POFUT3: variants seen among roughly 807,000 people sequenced by gnomAD.
The protein encoded by POFUT3 is GDP-fucose protein O-fucosyltransferase 3.
chr8:33,321,936 C>T, the POFUT3 span, among the ~76,000 whole-genome samples: 1 of 152,094 alleles, frequency 6.6e-6, no homozygotes, highest in Non-Finnish European at 1.5e-5. Flanking sequence ...AATAAAATGG[C>T]TTATTTAACT....
At chr8:33,366,088 T>C in the POFUT3 span, among the ~76,000 whole-genome samples, 1 of 152,188 alleles carries the variant, frequency 6.6e-6, no homozygotes, top group Non-Finnish European at 1.5e-5. Context: ...TAAAAAAGGA[T>C]GAGTTCATGT....
At chr8:33,379,630 G>A in the POFUT3 span, among the ~76,000 whole-genome samples, 1 of 151,536 alleles carries the variant, frequency 6.6e-6, no homozygotes, top group African/African-American at 2.4e-5. Context: ...GAGGTCAGGA[G>A]TTCTAGGCCA....
At chr8:33,415,090 C>T in the POFUT3 span, among the ~76,000 whole-genome samples, 5 of 151,926 alleles carry the variant, frequency 3.3e-5, no homozygotes, top group East Asian at 3.9e-4. Context: ...GGTGAAACCC[C>T]GTCTCTACAA....
chr8:33,460,811 C>G, the POFUT3 span: 4 of 916,704 alleles, frequency 4.4e-6, no homozygotes, highest in African/African-American at 1.8e-5. Context: ...TTGGAAGGGT[C>G]TCCCTGCCAG....
chr8:33,397,174 C>T, the POFUT3 span, among the ~76,000 whole-genome samples: 1 of 152,222 alleles, frequency 6.6e-6, no homozygotes, highest in African/African-American at 2.4e-5. Flanking sequence ...TGCTACTTCC[C>T]TATTAGAACT....
chr8:33,439,031 C>G, the POFUT3 span, among the ~76,000 whole-genome samples: 1 of 152,212 alleles, frequency 6.6e-6, no homozygotes, highest in Non-Finnish European at 1.5e-5. Context: ...ATCTTCAAAT[C>G]ACATCTCAAA....
the POFUT3 span, among the ~76,000 whole-genome samples, chr8:33,405,389 CAGTTTTAATTACTTACGATGGT>C: frequency 6.6e-6 from 1 of 152,104 alleles, no homozygotes; most frequent in South Asian, 2.1e-4. Flanking sequence ...ACAAGTATGG[CAGTTTTAATTACTTACGATGGT>C]AGACTAGTAA....
chr8:33,346,182 C>G, the POFUT3 span, among the ~76,000 whole-genome samples: 3 of 145,714 alleles, frequency 2.1e-5, no homozygotes, highest in Admixed American at 6.9e-5. Context: ...AAAAAAAACT[C>G]TGTGAGAGGC....
At chr8:33,332,440 A>G in the POFUT3 span, among the ~76,000 whole-genome samples, 1 of 145,698 alleles carries the variant, frequency 6.9e-6, no homozygotes, top group East Asian at 2.1e-4. Context: ...AGTCAAGATC[A>G]CCCCACTGCA....
At chr8:33,422,047 CA>C in the POFUT3 span, among the ~76,000 whole-genome samples, 3 of 146,014 alleles carry the variant, frequency 2.1e-5, no homozygotes, top group South Asian at 2.1e-4. Context: ...AAAACAAAAA[CA>C]AAAAAAAACC....
chr8:33,325,153 C>T, the POFUT3 span, among the ~76,000 whole-genome samples: 6 of 152,188 alleles, frequency 3.9e-5, no homozygotes, highest in Non-Finnish European at 8.8e-5. Flanking sequence ...CTGGTGCCCA[C>T]ATCCCGTTCT....
the POFUT3 span, among the ~76,000 whole-genome samples, chr8:33,360,427 T>G: frequency 6.6e-6 from 1 of 151,454 alleles, no homozygotes; most frequent in Non-Finnish European, 1.5e-5. Flanking sequence ...GCCTGGGCAA[T>G]AGAGTGAGAC....
At chr8:33,341,499 TATA>T in the POFUT3 span, among the ~76,000 whole-genome samples, 1 of 150,840 alleles carries the variant, frequency 6.6e-6, no homozygotes, top group Non-Finnish European at 1.5e-5. Context: ...ACAGCACACT[TATA>T]ATATTTCAGT....
the POFUT3 span, among the ~76,000 whole-genome samples, chr8:33,378,786 T>C: frequency 6.6e-6 from 1 of 152,172 alleles, no homozygotes; most frequent in Admixed American, 6.5e-5. Flanking sequence ...GCTTAGTCAC[T>C]GGATAATTAT....
At chr8:33,357,510 ATG>A in the POFUT3 span, among the ~76,000 whole-genome samples, 148 of 148,232 alleles carry the variant, frequency 1.0e-3, no homozygotes, top group African/African-American at 1.5e-3. Flanking sequence ...ATATATATAT[ATG>A]TATGTGTGTG....
At chr8:33,469,273 T>C in the POFUT3 span, among the ~76,000 whole-genome samples, 4 of 152,082 alleles carry the variant, frequency 2.6e-5, no homozygotes, top group African/African-American at 4.8e-5. Context: ...GCCACTGCAC[T>C]CCAGCCTGGG....
At chr8:33,461,187 A>AAGGAAGGGAGGGAGGGAGGG in the POFUT3 span, among the ~76,000 whole-genome samples, 1 of 114,172 alleles carries the variant, frequency 8.8e-6, no homozygotes, top group Non-Finnish European at 1.7e-5. Context: ...GGAAGGAAGG[A>AAGGAAGGGAGGGAGGGAGGG]AGGAAGGGAG....
chr8:33,424,917 T>C, the POFUT3 span, among the ~76,000 whole-genome samples: 1 of 152,180 alleles, frequency 6.6e-6, no homozygotes, highest in Non-Finnish European at 1.5e-5. Context: ...GTATTACAGA[T>C]TCAACAGTGA....
chr8:33,359,517 C>T, the POFUT3 span, among the ~76,000 whole-genome samples: 2 of 152,106 alleles, frequency 1.3e-5, no homozygotes, highest in Non-Finnish European at 2.9e-5. Flanking sequence ...AGGGCTTGCA[C>T]AAGAGGTTCC....
Sources: allele counts gnomAD v4.1 joint callset (sites outside exome capture counted in the v4.1 genomes callset), GRCh38; gene constraint gnomAD v4.1.1; transcripts MANE v1.5; gene names NCBI Gene and HGNC (gene_info 2026-07-23, HGNC 2026-07-21).